The following MYLK3 variants were observed in gnomAD, a reference collection of about 807,000 sequenced individuals.
MYLK3 encodes myosin light chain kinase 3, also known as MLC kinase.
Under a neutral mutation model 76.3 loss-of-function variants are expected in MYLK3, and 55 were observed. That is an observed-to-expected ratio of 0.72 (90% CI 0.58 to 0.90). The LOEUF (loss-of-function observed/expected upper bound fraction) is 0.90. MYLK3 is among the 40% of genes least tolerant of loss of function. The pLI is 0.00. For synonymous variants in MYLK3, 416 were observed against 425.4 expected (o/e 0.98, Z 0.27); for missense variants, 973 against 1,053.6 (o/e 0.92, Z 1.06).
chr16:46,712,355 T>G (rs756910928), intron 10 of MYLK3, among the ~76,000 whole-genome samples: 2 of 151,390 alleles, frequency 1.3e-5, no homozygotes, highest in Non-Finnish European at 2.9e-5. Context: ...GAAACAGGCC[T>G]TTAGACCTTT....
At chr16:46,725,794 T>C (rs960469617) in intron 8 of MYLK3, 5 of 152,238 alleles carry the variant, frequency 3.3e-5, no homozygotes, top group Admixed American at 6.5e-5. Context: ...GAGAAGCAAG[T>C]GTTCTCTCCT....
intron 3 of MYLK3, among the ~76,000 whole-genome samples, chr16:46,733,584 G>T (rs1322379698): frequency 6.6e-6 from 1 of 152,122 alleles, no homozygotes; most frequent in Non-Finnish European, 1.5e-5. Context: ...CCAGATGGAG[G>T]TGGGAAAGGC....
intron 8 of MYLK3, chr16:46,726,625 A>G (rs1966840917): frequency 6.9e-6 from 1 of 144,116 alleles, no homozygotes; most frequent in African/African-American, 2.5e-5. Flanking sequence ...AGAAAGAGAA[A>G]GAAAAAGAAA....
intron 3 of MYLK3, 152 bp from the exon 4 acceptor site, chr16:46,732,820 A>T: frequency 1.6e-6 from 1 of 615,176 alleles, no homozygotes; most frequent in Non-Finnish European, 2.7e-6. Flanking sequence ...CTTCAGTGAC[A>T]GTTGGTGCCA....
intron 1 of MYLK3, among the ~76,000 whole-genome samples, chr16:46,755,610 TG>T (rs1967188337): frequency 6.6e-6 from 1 of 152,150 alleles, no homozygotes; most frequent in Non-Finnish European, 1.5e-5. Flanking sequence ...GTGGAGAGCA[TG>T]GGACCTGGAG....
In MYLK3 at chr16:46,705,342, C is replaced by G. The variant is rs1026409153; in HGVS notation, c.*2362G>C. 1 of 152,094 alleles carries G rather than the reference C, an allele frequency of 6.6e-6. No homozygotes were observed. The highest frequency in any genetic ancestry group is 1.5e-5 in the Non-Finnish European group (1 of 68,144). The allele number at this position is 152,094 out of a possible 1,614,324, so 9.4% of individuals were successfully genotyped here. A position where few individuals can be genotyped will look rare whatever the true frequency, so the allele number is the denominator to read the frequency against. ...GTCAGGAGTTCGAGACCAGCCTGGC[C>G]AACATGGCAAAACCCCATCTCTACC... On this transcript the variant is annotated 3_prime_UTR_variant, in exon 13 of 13. Transcript: ENST00000394809.
chr16:46,757,746 C>T (rs867354568), intron 1 of MYLK3, among the ~76,000 whole-genome samples: 1 of 152,226 alleles, frequency 6.6e-6, no homozygotes, highest in African/African-American at 2.4e-5. Flanking sequence ...TCTGCCTCCC[C>T]GGGGGCCTAC....
At chr16:46,726,049 C>A (rs1013319060) in intron 8 of MYLK3, 4 of 152,160 alleles carry the variant, frequency 2.6e-5, no homozygotes, top group African/African-American at 9.7e-5. Flanking sequence ...TTACATGTGG[C>A]TTGCCAATTA....
chr16:46,746,290 A>G (rs1159489943), intron 1 of MYLK3, among the ~76,000 whole-genome samples: 3 of 152,232 alleles, frequency 2.0e-5, no homozygotes, highest in African/African-American at 4.8e-5. Flanking sequence ...AATAATGACA[A>G]GAAAGAAAAA....
rs1022630114 is a variant in MYLK3, at chr16:46,736,268, C to T, written c.1001+1443G>A. Among the ~76,000 whole-genome samples, 5 of 152,332 alleles carry T rather than the reference C, an allele frequency of 3.3e-5. No homozygotes were observed. In the South Asian group the frequency reaches 1.0e-3, roughly 32 times the overall value. On this transcript the variant is annotated intron_variant, in intron 3 of 12. Transcript: ENST00000394809. ...GCTCAAGCGATCCTCCCGCCTCGGC[C>T]TCTCACAGTGCTGGGATCAAGGCAT...
intron 1 of MYLK3, among the ~76,000 whole-genome samples, chr16:46,744,051 G>C (rs1218795646): frequency 6.6e-6 from 1 of 151,914 alleles, no homozygotes; most frequent in East Asian, 1.9e-4. Context: ...TTTTATTTTT[G>C]TGAGATGGAG....
chr16:46,761,823 A>AAAAC lies in MYLK3; in HGVS notation c.-114+1213_-114+1216dup, dbSNP rs1226421445. On this transcript the variant is annotated intron_variant, in intron 1 of 11. Transcript: ENST00000536476. ...ACAGAGCGAGACTCCATTTCAAAACAAAACAAAACAAAAAACAAATTCCAC... is the reference window on the plus strand; with the variant it reads ...ACAGAGCGAGACTCCATTTCAAAACAAAACAAACAAAACAAAAAACAAATTCCAC... Among the ~76,000 whole-genome samples the AAAAC allele has an allele frequency of 2.6e-5, 4 of 152,112 alleles. No individual in the cohort carries two copies. In the East Asian group the frequency reaches 7.7e-4, roughly 29 times the overall value.
At chr16:46,714,099 A>T (rs1393719029) in intron 9 of MYLK3, among the ~76,000 whole-genome samples, 1 of 152,206 alleles carries the variant, frequency 6.6e-6, no homozygotes, top group Non-Finnish European at 1.5e-5. Context: ...TGAGTGGGAA[A>T]GGGGGGCAAA....
At chr16:46,731,586 C>T (rs1966852604) in intron 4 of MYLK3, among the ~76,000 whole-genome samples, 1 of 152,088 alleles carries the variant, frequency 6.6e-6, no homozygotes, top group South Asian at 2.1e-4. Flanking sequence ...GGACAATTCT[C>T]AGACCAAGGA....
intron 12 of MYLK3, 21 bp downstream of exon 12, chr16:46,709,518 A>G (rs770717822): frequency 4.4e-5 from 71 of 1,608,832 alleles, no homozygotes; most frequent in Non-Finnish European, 5.9e-5. Flanking sequence ...TTCCACCTTT[A>G]CTAAGAGAAA....
At chr16:46,736,893 C>T (rs866053580) in intron 3 of MYLK3, among the ~76,000 whole-genome samples, 3 of 152,022 alleles carry the variant, frequency 2.0e-5, no homozygotes, top group South Asian at 4.2e-4. Flanking sequence ...TGAGAGTCTG[C>T]GGGTTCTTTA....
rs764920366 is a variant in MYLK3 at position 46,729,047 on chromosome 16, G to C, written c.1749C>G (p.His583Gln). 34 of 1,614,092 alleles carry C rather than the reference G, an allele frequency of 2.1e-5. No individual in the cohort carries two copies. The highest frequency in any genetic ancestry group is 2.8e-5 in the Non-Finnish European group (33 of 1,179,904). The change falls in exon 7 of 13, where the codon CAC becomes CAG. Residue 583 changes from histidine (H) to glutamine (Q), a missense_variant. By Grantham distance (24) the His-to-Gln change is conservative. Transcript: ENST00000394809. ...ACTACTCCATGACAAGGGTGCAGCT[G>C]TGCTTGCTCTCGAAGGCGTCATAGA... ...IQLYDAFESK[H>Q]SCTLVMEYVD...
At chr16:46,748,560 G>A (rs1404212861), upstream of MYLK3, among the ~76,000 whole-genome samples, 1 of 152,198 alleles carries the variant, frequency 6.6e-6, no homozygotes, top group African/African-American at 2.4e-5. The surrounding 1 kb of genome is among the most constrained non-coding windows in gnomAD (Gnocchi z 4.3). Context: ...GCAACTAATG[G>A]TTCGGAGGAA....
chr16:46,734,564 T>C (rs574797886), intron 3 of MYLK3, among the ~76,000 whole-genome samples: 166 of 151,904 alleles, frequency 1.1e-3, no homozygotes, highest in African/African-American at 3.9e-3. Flanking sequence ...GAGTTTGCAG[T>C]GAGTTGAGAT....
Sources: gnomAD v4.1 joint callset for allele counts (sites outside exome capture counted in the v4.1 genomes callset) on GRCh38, gnomAD v4.1.1 for gene constraint, Gnocchi (gnomAD v3.1) non-coding constraint, MANE v1.5 for transcripts, NCBI Gene and HGNC (gene_info 2026-07-23, HGNC 2026-07-21) for gene names.